Variants in RPGRIP1L observed in about 807,000 individuals in gnomAD.
RPGRIP1L encodes RPGRIP1 like, also known as protein fantom.
Under a neutral mutation model 160.4 loss-of-function variants are expected in RPGRIP1L, and 131 were observed. That is an observed-to-expected ratio of 0.82 (90% CI 0.71 to 0.94). RPGRIP1L has a LOEUF of 0.94. Among genes scored for constraint, RPGRIP1L ranks in the 40% least tolerant of loss-of-function variants. The probability of loss-of-function intolerance (pLI) is 0.00; values close to 1 mark genes in which losing one functional copy is unlikely to be tolerated. For missense variants in RPGRIP1L, 1,522 were observed against 1,535.8 expected (o/e 0.99, Z 0.15); for synonymous variants, 510 against 515.8 (o/e 0.99, Z 0.15).
rs761513762 is a variant in RPGRIP1L at position 53,696,280 on chromosome 16, C to T, written c.101G>A (p.Arg34Gln). The T allele has an allele frequency of 1.1e-5, 17 of 1,613,896 alleles. No homozygotes were observed. In the East Asian group the frequency reaches 1.1e-4, roughly 11 times the overall value. ...CACTGCCTGGCGAGACTTCATTGTC[C>T]GTGTTGTTGAAGTTTCTGCAAAAAT... ...MGGLQETSTT[R>Q]TMKSRQAVSR... Residue 34 changes from arginine (R) to glutamine (Q), a missense_variant, in exon 3 of 27, where the codon CGG becomes CAG. Physicochemically the swap from Arg to Gln is conservative, Grantham distance 43 (BLOSUM62 1). Coordinates refer to ENST00000647211, the MANE Select transcript of RPGRIP1L (RefSeq NM_015272.5).
chr16:53,621,430 A>T (rs1461495931), intron 23 of RPGRIP1L, among the ~76,000 whole-genome samples: 4 of 135,070 alleles, frequency 3.0e-5, no homozygotes, highest in East Asian at 2.2e-4. Context: ...TTTCTGGTCA[A>T]TTTTTTTTTT....
intron 24 of RPGRIP1L, 27 bp from the exon 25 acceptor site, chr16:53,611,078 A>G: frequency 6.6e-7 from 1 of 1,508,878 alleles, no homozygotes; most frequent in East Asian, 2.3e-5. Flanking sequence ...AAAAATGCCA[A>G]AAAGGAAGTC....
intron 26 of RPGRIP1L, among the ~76,000 whole-genome samples, 175 bp from the exon 27 acceptor site, chr16:53,602,363 AT>A (rs1364640344): frequency 2.6e-5 from 4 of 152,206 alleles, no homozygotes; most frequent in African/African-American, 9.7e-5. Context: ...GGAGATGTGC[AT>A]TTGAGACGTA....
intron 10 of RPGRIP1L, among the ~76,000 whole-genome samples, chr16:53,661,296 C>CA (rs77367756): frequency 0.091 from 7,821 of 85,570 alleles, 399 homozygotes; most frequent in East Asian, 0.38. Context: ...CACTCCATTT[C>CA]AAAAAAAAAA....
intron 3 of RPGRIP1L, among the ~76,000 whole-genome samples, chr16:53,692,964 T>A (rs1213799598): frequency 6.6e-6 from 1 of 152,258 alleles, no homozygotes; most frequent in Non-Finnish European, 1.5e-5. Context: ...AATAATTAGA[T>A]GCAAAAGTAT....
In RPGRIP1L at chr16:53,662,595, C is replaced by G. The variant is rs563165718; in HGVS notation, c.1243+2275G>C. 3.3e-5 allele frequency among the ~76,000 whole-genome samples: 5 copies of G among 152,138 alleles called. No homozygotes were observed. In the South Asian group the frequency reaches 1.0e-3, roughly 31 times the overall value. Reference sequence around the variant, plus strand: ...AATCTGTAATACAAAATGGAGCTTTCTAAATATTAAAAGATTTTCTTAAAT... The same window carrying G: ...AATCTGTAATACAAAATGGAGCTTTGTAAATATTAAAAGATTTTCTTAAAT... On this transcript the variant is annotated intron_variant, in intron 10 of 26. Transcript: ENST00000647211.
At chr16:53,613,370 T>G (rs1041955353) in intron 24 of RPGRIP1L, among the ~76,000 whole-genome samples, 1 of 151,924 alleles carries the variant, frequency 6.6e-6, no homozygotes, top group Non-Finnish European at 1.5e-5. Flanking sequence ...AGTGCAGTGG[T>G]GTGATCATAG....
intron 22 of RPGRIP1L, among the ~76,000 whole-genome samples, chr16:53,624,066 A>G (rs1567806286): frequency 6.6e-6 from 1 of 152,002 alleles, no homozygotes; most frequent in Non-Finnish European, 1.5e-5. Context: ...TATTTTTTAA[A>G]TTTTTTGTAG....
At chr16:53,686,667 A>G in intron 5 of RPGRIP1L, 91 bp from the exon 6 acceptor site, 1 of 1,333,388 alleles carries the variant, frequency 7.5e-7, no homozygotes, top group East Asian at 2.3e-5. Flanking sequence ...CATGAAAAAG[A>G]GCAAGCAGAA....
At chr16:53,651,810 T>C (rs983005817) in intron 15 of RPGRIP1L, among the ~76,000 whole-genome samples, 4 of 152,134 alleles carry the variant, frequency 2.6e-5, no homozygotes, top group African/African-American at 4.8e-5. Context: ...GACCACCATA[T>C]TCCCAGTGCC....
At chr16:53,619,363 T>C (rs757336770) in intron 23 of RPGRIP1L, among the ~76,000 whole-genome samples, 155 bp from the exon 24 acceptor site, 3 of 152,338 alleles carry the variant, frequency 2.0e-5, no homozygotes, top group South Asian at 2.1e-4. Flanking sequence ...TTACACATGA[T>C]AGATTATTCA....
intron 5 of RPGRIP1L, among the ~76,000 whole-genome samples, 165 bp downstream of exon 5, chr16:53,687,698 T>C (rs573885163): frequency 6.6e-6 from 1 of 152,196 alleles, no homozygotes; most frequent in South Asian, 2.1e-4. Flanking sequence ...TTCATTTTCC[T>C]TTTTCTGAGA....
chr16:53,682,633 G>T (rs1213185254), intron 6 of RPGRIP1L, among the ~76,000 whole-genome samples: 1 of 152,170 alleles, frequency 6.6e-6, no homozygotes. Context: ...GTTCAGTAAA[G>T]ATGGGGACTG....
chr16:53,634,447 C>T (rs1224019602), intron 22 of RPGRIP1L, among the ~76,000 whole-genome samples: 3 of 152,112 alleles, frequency 2.0e-5, no homozygotes, highest in African/African-American at 4.8e-5. Flanking sequence ...CACCTGTTAA[C>T]AATATGCTAT....
rs747445819 is a variant in RPGRIP1L at position 53,645,854 on chromosome 16, C to T, written c.2454G>A (p.Lys818=). 6 of 1,613,942 alleles carry T rather than the reference C, an allele frequency of 3.7e-6. No homozygotes were observed. The Admixed American group carries it at 8.3e-5, about 22-fold the overall frequency. Residue 818 remains lysine, a synonymous_variant, in exon 17 of 27, where the codon AAG becomes AAA. Transcript: ENST00000647211. ...TATCATGGTCTGCAAAATCAAAAAA[C>T]TTGTACACAACATATGGGTGTGGCT... ...HLQPHPYVVY[K]FFDFADHDTA... is the part of the protein sequence containing the mutation.
chr16:53,683,685 T>A (rs1969772154), intron 6 of RPGRIP1L, among the ~76,000 whole-genome samples: 1 of 144,988 alleles, frequency 6.9e-6, no homozygotes. Context: ...TTGAGTACAC[T>A]TAGTTCAAAA....
intron 25 of RPGRIP1L, among the ~76,000 whole-genome samples, chr16:53,607,534 T>C (rs1369876750): frequency 1.3e-5 from 2 of 152,166 alleles, no homozygotes; most frequent in African/African-American, 4.8e-5. Flanking sequence ...TAACATATAA[T>C]GCACATATTA....
chr16:53,602,587 C>A (rs1351240300), intron 26 of RPGRIP1L, among the ~76,000 whole-genome samples: 1 of 151,924 alleles, frequency 6.6e-6, no homozygotes, highest in Non-Finnish European at 1.5e-5. Flanking sequence ...ACTAGCCTGA[C>A]CAACATGGAG....
At chr16:53,665,657 T>A (rs1403223385) in intron 9 of RPGRIP1L, among the ~76,000 whole-genome samples, 2 of 152,226 alleles carry the variant, frequency 1.3e-5, no homozygotes, top group African/African-American at 4.8e-5. Flanking sequence ...GAATTACTAT[T>A]CCTCAATAAA....
Sources: gnomAD v4.1 joint callset for allele counts (sites outside exome capture counted in the v4.1 genomes callset) on GRCh38, gnomAD v4.1.1 for gene constraint, MANE v1.5 for transcripts, NCBI Gene and HGNC (gene_info 2026-07-23, HGNC 2026-07-21) for gene names.